The following KALRN variants were observed in gnomAD, a reference collection of about 807,000 sequenced individuals.
KALRN encodes the protein kalirin.
In KALRN, 70 loss-of-function variants were observed where a neutral mutation model predicts 353.7. The ratio of observed to expected loss-of-function variants is 0.20; its 90% CI spans 0.16 to 0.24. The LOEUF (loss-of-function observed/expected upper bound fraction) is 0.24, where lower values mean the gene tolerates loss of function less well. Among genes scored for constraint, KALRN ranks in the 10% least tolerant of loss-of-function variants. The pLI is 1.00. For synonymous variants in KALRN, 1,391 were observed against 1,434.8 expected, an observed-to-expected ratio of 0.97 and a Z score of 0.69; for missense variants, 2,791 against 3,756.7, an observed-to-expected ratio of 0.74 and a Z score of 6.72.
intron 51 of KALRN, among the ~76,000 whole-genome samples, chr3:124,689,141 G>T (rs544641643): frequency 6.6e-6 from 1 of 152,220 alleles, no homozygotes; most frequent in Non-Finnish European, 1.5e-5. Context: ...TTCACAGAGA[G>T]AGAACATGTG....
At chr3:124,330,046 G>T in intron 8 of KALRN, 54 bp downstream of exon 8, 1 of 1,593,756 alleles carries the variant, frequency 6.3e-7, no homozygotes, top group Non-Finnish European at 8.6e-7. Context: ...ATGTGGGTGG[G>T]TGATGAGGGC....
chr3:124,457,826 AC>A (rs1359385402), intron 23 of KALRN, among the ~76,000 whole-genome samples: 46 of 152,094 alleles, frequency 3.0e-4, no homozygotes, highest in Admixed American at 2.0e-3. Context: ...GTTTGCTACT[AC>A]CCCTGGAATA....
chr3:124,725,388 C>T lies in KALRN; in HGVS notation c.*5918C>T, dbSNP rs1355136350. Reference sequence around the variant, plus strand: ...GAACAAATATGAAGACTGAAAAAAACTAAACATACTCTTCATAATGAGATC... The same window carrying T: ...GAACAAATATGAAGACTGAAAAAAATTAAACATACTCTTCATAATGAGATC... On this transcript the variant is annotated 3_prime_UTR_variant, in exon 60 of 60. Transcript: ENST00000682506. The T allele has an allele frequency of 6.6e-6, 1 of 152,092 alleles. No homozygotes were observed. Among genetic ancestry groups the T allele is most frequent in the Non-Finnish European group, 1.5e-5 (1 of 68,002 alleles). 9.4% of individuals were successfully genotyped at this position (152,092 alleles called of 1,614,324 possible).
At chr3:124,589,542 A>G (rs567766821) in intron 34 of KALRN, among the ~76,000 whole-genome samples, 12 of 152,356 alleles carry the variant, frequency 7.9e-5, no homozygotes, top group African/African-American at 2.4e-4. Context: ...GCAGTGAACT[A>G]TGATGGCACC....
rs987606026 is a variant in KALRN at position 124,446,224 on chromosome 3, G to A, written c.3377G>A (p.Arg1126Gln). Residue 1126 changes from arginine (R) to glutamine (Q), a missense_variant, in exon 20 of 60, where the codon CGG becomes CAG. Coordinates refer to ENST00000682506, the MANE Select transcript of KALRN (RefSeq NM_001388419.1). ...CTGCATTTCTGGACCTTGAAGAAGC[G>A]GCGGTTAGACCAATGCCAGCAATAT... is the stretch of plus-strand genomic sequence containing the variant. Reference protein sequence around the residue: ...RVLHFWTLKKRRLDQCQQYVV... With the variant: ...RVLHFWTLKKQRLDQCQQYVV... The A allele has an allele frequency of 5.0e-6, 8 of 1,614,004 alleles. No homozygotes were observed. The highest frequency in any genetic ancestry group is 4.4e-5 in the South Asian group (4 of 91,082).
At chr3:124,666,118 C>T (rs2085582692) in intron 45 of KALRN, among the ~76,000 whole-genome samples, 2 of 152,108 alleles carry the variant, frequency 1.3e-5, no homozygotes, top group African/African-American at 2.4e-5. Flanking sequence ...TTCTATTGTC[C>T]TTTCAATAAA....
intron 10 of KALRN, among the ~76,000 whole-genome samples, chr3:124,373,714 T>G (rs900064602): frequency 2.6e-5 from 4 of 152,158 alleles, no homozygotes; most frequent in Non-Finnish European, 5.9e-5. Flanking sequence ...TCTTTCTATA[T>G]GAATGAACAC....
intron 51 of KALRN, among the ~76,000 whole-genome samples, chr3:124,692,168 C>T (rs1006555490): frequency 8.5e-5 from 13 of 152,216 alleles, no homozygotes; most frequent in East Asian, 5.8e-4. Flanking sequence ...ATTAGCCTCT[C>T]GTGTTTTTAA....
chr3:124,172,656 G>T (rs779996554), intron 1 of KALRN, among the ~76,000 whole-genome samples: 2 of 151,860 alleles, frequency 1.3e-5, no homozygotes, highest in Non-Finnish European at 2.9e-5. Context: ...TGCCAGGGGC[G>T]CCCCTGGAAC....
At chr3:124,393,877 A>G (rs1035581522) in intron 11 of KALRN, among the ~76,000 whole-genome samples, 1 of 152,228 alleles carries the variant, frequency 6.6e-6, no homozygotes, top group Non-Finnish European at 1.5e-5. Context: ...TAAGGAACAA[A>G]GAATAACTTG....
intron 34 of KALRN, among the ~76,000 whole-genome samples, chr3:124,621,374 G>A: frequency 6.6e-6 from 1 of 152,198 alleles, no homozygotes; most frequent in Non-Finnish European, 1.5e-5. Context: ...TGACTGAAGT[G>A]GTAAGGTAAA....
At chr3:124,241,826 C>T (rs866478906) in intron 3 of KALRN, among the ~76,000 whole-genome samples, 3 of 152,088 alleles carry the variant, frequency 2.0e-5, no homozygotes, top group Non-Finnish European at 4.4e-5. Context: ...TCAAAAGAGA[C>T]GTGAGCAGCA....
Position 124,270,824 on chromosome 3 carries a change from GTTTTTTTT to G in KALRN, c.969+1585_969+1592del, listed in dbSNP as rs777615656. Among the ~76,000 whole-genome samples the G allele has an allele frequency of 1.5e-4, 12 of 78,632 alleles. No homozygotes were observed. The East Asian group carries it at 7.1e-3, about 46-fold the overall frequency. The allele number at this position is 78,632 out of a possible 152,430, so 51.6% of individuals were successfully genotyped here. On this transcript the variant is annotated intron_variant, in intron 5 of 59. Coordinates refer to ENST00000682506, the MANE Select transcript of KALRN (RefSeq NM_001388419.1). Reference sequence around the variant, plus strand: ...TTTTCTTTGTTTATTTTTTTGTTTTGTTTTTTTTTTTTTTTTTTTTTTTGAGACGGAGT... The same window carrying G: ...TTTTCTTTGTTTATTTTTTTGTTTTGTTTTTTTTTTTTTTTGAGACGGAGT...
chr3:124,574,037 T>C (rs2246776), intron 34 of KALRN, among the ~76,000 whole-genome samples: 3 of 151,672 alleles, frequency 2.0e-5, no homozygotes, highest in Non-Finnish European at 4.4e-5. Flanking sequence ...GAGTGTTGGG[T>C]GTATATGAGG....
At chr3:124,458,515 C>T (rs527343269) in intron 23 of KALRN, among the ~76,000 whole-genome samples, 1 of 152,244 alleles carries the variant, frequency 6.6e-6, no homozygotes, top group East Asian at 1.9e-4. Flanking sequence ...ACTTATTCAG[C>T]CAATTCTTAA....
At chr3:124,663,901 T>C (rs1373063908) in intron 45 of KALRN, among the ~76,000 whole-genome samples, 1 of 152,224 alleles carries the variant, frequency 6.6e-6, no homozygotes, top group Non-Finnish European at 1.5e-5. Context: ...CCAAATTCTC[T>C]TCTCCTCCTT....
intron 1 of KALRN, among the ~76,000 whole-genome samples, chr3:124,099,026 A>G (rs2061651255): frequency 1.3e-5 from 2 of 152,214 alleles, no homozygotes; most frequent in South Asian, 2.1e-4. Flanking sequence ...TACACGTGAT[A>G]TTTTGTTACA....
At chr3:124,119,860 T>C (rs1391995038) in intron 1 of KALRN, among the ~76,000 whole-genome samples, 1 of 152,212 alleles carries the variant, frequency 6.6e-6, no homozygotes, top group Non-Finnish European at 1.5e-5. Flanking sequence ...AATGCTCTGA[T>C]TCAGGTTAAT....
intron 21 of KALRN, among the ~76,000 whole-genome samples, chr3:124,454,499 C>T (rs1269833788): frequency 1.3e-5 from 2 of 152,180 alleles, no homozygotes; most frequent in Admixed American, 6.5e-5. Flanking sequence ...ATTCTTACAT[C>T]AGTAATAATA....
Sources: allele counts gnomAD v4.1 joint callset (sites outside exome capture counted in the v4.1 genomes callset), GRCh38; gene constraint gnomAD v4.1.1; transcripts MANE v1.5; gene names NCBI Gene and HGNC (gene_info 2026-07-23, HGNC 2026-07-21).